The following ARSD variants were observed in gnomAD, a reference collection of about 807,000 sequenced individuals.
ARSD encodes the protein arylsulfatase D, also known as testis tissue sperm-binding protein Li 39a.
A neutral mutation model predicts 32.6 loss-of-function variants in ARSD; 21 were observed. That is an observed-to-expected ratio of 0.64 (90% CI 0.46 to 0.93). The LOEUF is 0.93. Among genes scored for constraint, ARSD ranks in the 40% least tolerant of loss-of-function variants. ARSD has a pLI of 0.00. For synonymous variants in ARSD, 224 were observed against 237.4 expected, an observed-to-expected ratio of 0.94 and a Z score of 0.52; for missense variants, 454 against 520.9, an observed-to-expected ratio of 0.87 and a Z score of 1.25.
intron 6 of ARSD, chrX:2,913,640 A>C (rs1176031961): frequency 7.5e-5 from 75 of 1,001,088 alleles, no homozygotes; most frequent in Middle Eastern, 2.9e-4. Context: ...AGGCCATAGA[A>C]GGAAGGTGAC....
chrX:2,929,284 G>GCTGGCCCAGAGCGCAGGAC lies in ARSD; in HGVS notation c.-28_-10dup. 5.0e-6 allele frequency: 5 copies of GCTGGCCCAGAGCGCAGGAC among 1,003,935 alleles called. No homozygotes were observed. In the South Asian group the frequency reaches 1.0e-4, roughly 20 times the overall value. The allele number at this position is 1,003,935 out of a possible 1,213,427, so 82.7% of individuals were successfully genotyped here. ...CGCGCGGCGGATCGCATGGCCGAGC[G>GCTGGCCCAGAGCGCAGGAC]CTGGCCCAGAGCGCAGGACCTTGCC... On this transcript the variant is annotated 5_prime_UTR_variant, in exon 1 of 10. Transcript: ENST00000381154.
chrX:2,912,050 G>C (rs6642066), intron 6 of ARSD, among the ~76,000 whole-genome samples: 7,534 of 110,964 alleles, frequency 0.068, 658 homozygotes, highest in African/African-American at 0.24. Context: ...CGAAGTGGGA[G>C]GATTGCCTGA....
rs749141327 is a variant in ARSD at position 2,913,704 on chromosome X, CTGT to C, written c.1000+1849_1000+1851del. On this transcript the variant is annotated intron_variant, in intron 6 of 9. Transcript: ENST00000381154. Reference sequence around the variant, plus strand: ...TTAGTTTCTGTAACTTCTAATGAGGCTGTTAAGTCATTGGCTGTGTAGAAGGTT... The same window carrying C: ...TTAGTTTCTGTAACTTCTAATGAGGCTAAGTCATTGGCTGTGTAGAAGGTT... 114 of 970,200 alleles carry C rather than the reference CTGT, an allele frequency of 1.2e-4. No individual in the cohort carries two copies. The African/African-American group carries it at 1.9e-3, about 16-fold the overall frequency. The allele number at this position is 970,200 out of a possible 1,213,427, so 80.0% of individuals were successfully genotyped here.
At chrX:2,915,269 C>T (rs1012080650) in intron 6 of ARSD, among the ~76,000 whole-genome samples, 1 of 111,504 alleles carries the variant, frequency 9.0e-6, no homozygotes, top group Non-Finnish European at 1.9e-5. Context: ...ATTCTTGTAC[C>T]TTAACCTCCC....
At chrX:2,924,414 G>A (rs2089061665) in intron 2 of ARSD, among the ~76,000 whole-genome samples, 1 of 113,743 alleles carries the variant, frequency 8.8e-6, no homozygotes, top group Admixed American at 9.2e-5. Context: ...CGCTCCTGAG[G>A]TTGGCAGCTA....
At chrX:2,918,351 G>C (rs2088992984) in intron 4 of ARSD, 124 bp from the exon 5 acceptor site, 2 of 681,798 alleles carry the variant, frequency 2.9e-6, no homozygotes, top group Non-Finnish European at 4.3e-6. Flanking sequence ...AACTGGAAAT[G>C]GAAAGGCAAT....
intron 2 of ARSD, among the ~76,000 whole-genome samples, chrX:2,922,234 T>A (rs866114907): frequency 9.1e-6 from 1 of 110,263 alleles, no homozygotes; most frequent in African/African-American, 3.3e-5. Context: ...TCTCTCTCTC[T>A]CTCACACACA....
At chrX:2,913,264 A>C (rs910459340) in intron 6 of ARSD, among the ~76,000 whole-genome samples, 1 of 112,342 alleles carries the variant, frequency 8.9e-6, no homozygotes, top group Admixed American at 9.4e-5. Context: ...CCAAGCTTTT[A>C]TCATGCAGAT....
At chrX:2,924,642 G>A (rs1389431538) in intron 2 of ARSD, among the ~76,000 whole-genome samples, 1 of 112,780 alleles carries the variant, frequency 8.9e-6, no homozygotes, top group Non-Finnish European at 1.9e-5. Context: ...ATCTGTCCAC[G>A]TGCTGACCCC....
Position 2,921,949 on chromosome X carries a change from G to C in ARSD, c.270C>G (p.Thr90=), listed in dbSNP as rs759759849. The change falls in exon 3 of 10, where the codon ACC becomes ACG. Residue 90 remains threonine, a synonymous_variant. Transcript: ENST00000381154. ...CTGTGAGGAATGCAGCTCGGCTTGG[G>C]GTGCAGAGCGGGGCGGCCGCCAGGT... ...TQHLAAAPLC[T]PSRAAFLTGR... is the part of the protein sequence containing the mutation. 1 of 1,209,568 alleles carries C rather than the reference G, an allele frequency of 8.3e-7. No individual in the cohort carries two copies. The highest frequency in any genetic ancestry group is 1.7e-5 in the African/African-American group (1 of 57,268).
rs2088852678 is a variant in ARSD at position 2,906,430 on chromosome X, C to G, written c.*841G>C. ...GTGCTGGGATTACAGGTGTGAGTCA[C>G]CGTGCCTGGCTTTGTTTAAGGCATT... is the stretch of plus-strand genomic sequence containing the variant. On this transcript the variant is annotated 3_prime_UTR_variant, in exon 10 of 10. Transcript: ENST00000381154. The G allele has an allele frequency of 8.9e-6, 1 of 111,805 alleles. No individual in the cohort carries two copies. The highest frequency in any genetic ancestry group is 3.3e-5 in the African/African-American group (1 of 30,739). 9.2% of individuals were successfully genotyped at this position (111,805 alleles called of 1,213,427 possible).
chrX:2,910,924 G>T, intron 6 of ARSD, 131 bp from the exon 7 acceptor site: 1 of 760,835 alleles, frequency 1.3e-6, no homozygotes, highest in Non-Finnish European at 1.9e-6. Flanking sequence ...TTACTCGGAG[G>T]CCGTGGTTAC....
At chrX:2,915,315 G>A (rs962571675) in intron 6 of ARSD, among the ~76,000 whole-genome samples, 7 of 111,095 alleles carry the variant, frequency 6.3e-5, no homozygotes, top group African/African-American at 1.6e-4. Context: ...CCACCACACC[G>A]GGTTAGTTTT....
intron 1 of ARSD, among the ~76,000 whole-genome samples, chrX:2,928,341 G>A (rs189989440): frequency 0.058 from 4,610 of 79,798 alleles, 491 homozygotes; most frequent in African/African-American, 0.22. Context: ...TGGGGGGAGG[G>A]CGCCCAATGA....
At chrX:2,907,714 A>G (rs2088864214) in intron 9 of ARSD, 82 bp from the exon 10 acceptor site, 1 of 1,077,472 alleles carries the variant, frequency 9.3e-7, no homozygotes, top group African/African-American at 1.9e-5. Context: ...GCCCTGTGGT[A>G]TCAGCATGAA....
intron 6 of ARSD, chrX:2,914,683 A>G (rs2088937172): frequency 1.9e-6 from 2 of 1,026,067 alleles, no homozygotes; most frequent in Non-Finnish European, 2.6e-6. Context: ...CTTGAAGGCC[A>G]TAGAAGGAAG....
chrX:2,913,135 T>C (rs1412930079), intron 6 of ARSD, among the ~76,000 whole-genome samples: 1 of 111,654 alleles, frequency 9.0e-6, no homozygotes, highest in Admixed American at 9.6e-5. Context: ...TGTACATTGG[T>C]TGAGCTGGAA....
rs776618511 is a variant in ARSD at position 2,910,760 on chromosome X, A to G, written c.1034T>C (p.Leu345Ser). ...GAAATACGTGAATGTTGAGTTCTTT[A>G]AACCATTGTCTTCGATGGCATTAAG... is the stretch of plus-strand genomic sequence containing the variant. ...KVLNAIEDNGLKNSTFTYFTS... is the reference protein window; with the variant it reads ...KVLNAIEDNGSKNSTFTYFTS... Residue 345 changes from leucine (L) to serine (S), a missense_variant, in exon 7 of 10, where the codon TTA (leucine) becomes TCA (serine). By Grantham distance (145) the Leu-to-Ser change is moderately radical. Transcript: ENST00000381154. The G allele has an allele frequency of 1.7e-6, 2 of 1,211,595 alleles. No homozygotes were observed. The highest frequency in any genetic ancestry group is 3.5e-5 in the South Asian group (2 of 56,940).
chrX:2,915,714 G>A (rs1188011515), intron 5 of ARSD, 22 bp from the exon 6 acceptor site: 19 of 1,199,154 alleles, frequency 1.6e-5, no homozygotes, highest in Non-Finnish European at 2.1e-5. Context: ...AAACTTCCTT[G>A]AGAATACACA....
Sources: allele counts gnomAD v4.1 joint callset (sites outside exome capture counted in the v4.1 genomes callset), GRCh38; gene constraint gnomAD v4.1.1; transcripts MANE v1.5; gene names NCBI Gene and HGNC (gene_info 2026-07-23, HGNC 2026-07-21).